HTR1F: variants seen among roughly 807,000 people sequenced by gnomAD.
HTR1F encodes the protein 5-hydroxytryptamine (serotonin) receptor 1F, G protein-coupled.
Under a neutral mutation model 24.0 loss-of-function variants are expected in HTR1F, and 17 were observed. That is an observed-to-expected ratio of 0.71 (90% confidence interval 0.48 to 1.06). HTR1F has a LOEUF of 1.06. Among genes scored for constraint, HTR1F ranks in the 50% least tolerant of loss-of-function variants. The pLI is 0.00. For missense variants in HTR1F, 391 were observed against 427.8 expected, an observed-to-expected ratio of 0.91 and a Z score of 0.76; for synonymous variants, 186 against 156.8, an observed-to-expected ratio of 1.19 and a Z score of -1.39.
intron 2 of HTR1F, among the ~76,000 whole-genome samples, chr3:87,935,679 T>G (rs1015194748): frequency 6.6e-6 from 1 of 152,188 alleles, no homozygotes; most frequent in African/African-American, 2.4e-5. Flanking sequence ...TTTCACTGTT[T>G]CATTAAGTTT....
At chr3:87,837,157 AATT>A (rs1046383111) in intron 2 of HTR1F, among the ~76,000 whole-genome samples, 3 of 152,070 alleles carry the variant, frequency 2.0e-5, no homozygotes, top group Non-Finnish European at 2.9e-5. Flanking sequence ...TTTTAGTTGC[AATT>A]ATTATCAAAC....
intron 1 of HTR1F, among the ~76,000 whole-genome samples, chr3:87,802,568 A>G (rs1398392134): frequency 6.6e-6 from 1 of 151,780 alleles, no homozygotes; most frequent in Non-Finnish European, 1.5e-5. Context: ...CTAGTCTTAA[A>G]TTCCTGGCTT....
intron 2 of HTR1F, among the ~76,000 whole-genome samples, chr3:87,945,223 G>T (rs1290988685): frequency 6.6e-6 from 1 of 151,936 alleles, no homozygotes; most frequent in African/African-American, 2.4e-5. Flanking sequence ...AACTGCCCAT[G>T]TCGAGAGCTG....
chr3:87,961,960 C>G (rs1440419487), intron 2 of HTR1F, among the ~76,000 whole-genome samples: 1 of 151,968 alleles, frequency 6.6e-6, no homozygotes, highest in Non-Finnish European at 1.5e-5. Context: ...CATAGACATA[C>G]TAAAAAATGA....
At chr3:87,884,166 C>T (rs1705879506) in intron 2 of HTR1F, among the ~76,000 whole-genome samples, 1 of 152,142 alleles carries the variant, frequency 6.6e-6, no homozygotes, top group South Asian at 2.1e-4. Context: ...CTCTACAAGC[C>T]ACAAGGGAGT....
intron 2 of HTR1F, among the ~76,000 whole-genome samples, chr3:87,942,611 T>C (rs1704597331): frequency 6.6e-6 from 1 of 152,130 alleles, no homozygotes; most frequent in African/African-American, 2.4e-5. Context: ...ACTTGGATAA[T>C]CTTTTTTAAA....
chr3:87,948,868 A>G (rs1054590199), intron 2 of HTR1F, among the ~76,000 whole-genome samples: 3 of 152,210 alleles, frequency 2.0e-5, no homozygotes, highest in Admixed American at 1.3e-4. Flanking sequence ...TGTAGTACCA[A>G]TAGCCATATT....
chr3:87,909,805 T>A (rs1314936084), intron 2 of HTR1F, among the ~76,000 whole-genome samples: 3 of 152,040 alleles, frequency 2.0e-5, no homozygotes, highest in Non-Finnish European at 4.4e-5. Context: ...TCTCAGTTGG[T>A]CTAAGAACTG....
At chr3:87,808,182 A>G (rs1704103467) in intron 1 of HTR1F, among the ~76,000 whole-genome samples, 1 of 151,968 alleles carries the variant, frequency 6.6e-6, no homozygotes, top group South Asian at 2.1e-4. Flanking sequence ...GAATAGTTTG[A>G]GGAGAATTGG....
intron 2 of HTR1F, among the ~76,000 whole-genome samples, chr3:87,946,274 A>G (rs953118723): frequency 3.5e-4 from 54 of 152,344 alleles, no homozygotes; most frequent in African/African-American, 1.3e-3. Context: ...GCAAAAGCTC[A>G]GCTCGAACCA....
chr3:87,984,303 A>G (rs535503947), intron 2 of HTR1F, among the ~76,000 whole-genome samples: 3 of 152,196 alleles, frequency 2.0e-5, no homozygotes, highest in Non-Finnish European at 4.4e-5. Flanking sequence ...TGCATTGTAT[A>G]ATTGTATTAT....
intron 2 of HTR1F, among the ~76,000 whole-genome samples, chr3:87,959,478 T>TA (rs1705014951): frequency 6.6e-6 from 1 of 151,914 alleles, no homozygotes; most frequent in South Asian, 2.1e-4. Context: ...AGAAATCTAA[T>TA]AGAGCCTCTT....
At chr3:87,925,962 T>C (rs1182330269) in intron 2 of HTR1F, among the ~76,000 whole-genome samples, 2 of 152,342 alleles carry the variant, frequency 1.3e-5, no homozygotes, top group East Asian at 1.9e-4. Context: ...TTGTTGTTTT[T>C]GTCATTTCTT....
At chr3:87,972,000 T>A (rs1705295314) in intron 2 of HTR1F, among the ~76,000 whole-genome samples, 1 of 152,170 alleles carries the variant, frequency 6.6e-6, no homozygotes, top group African/African-American at 2.4e-5. Flanking sequence ...GGCTTACCAA[T>A]CTATGTCAGC....
intron 2 of HTR1F, among the ~76,000 whole-genome samples, chr3:87,894,683 T>A (rs1706162073): frequency 6.6e-6 from 1 of 151,294 alleles, no homozygotes; most frequent in South Asian, 2.1e-4. Context: ...TATGTAGATG[T>A]GAATTTCATC....
chr3:87,981,412 C>G (rs1705540880), intron 2 of HTR1F, among the ~76,000 whole-genome samples: 1 of 152,182 alleles, frequency 6.6e-6, no homozygotes. Flanking sequence ...CCACGCTAGT[C>G]TCGAACTCTT....
chr3:87,937,650 G>A (rs375414792), intron 2 of HTR1F, among the ~76,000 whole-genome samples: 39 of 152,104 alleles, frequency 2.6e-4, no homozygotes, highest in Admixed American at 1.1e-3. Context: ...AGGGCCAGGC[G>A]CAGTGGCTCA....
chr3:87,951,982 G>T (rs1704844407), intron 2 of HTR1F, among the ~76,000 whole-genome samples: 1 of 152,016 alleles, frequency 6.6e-6, no homozygotes, highest in Non-Finnish European at 1.5e-5. Flanking sequence ...TTTCTTCCTT[G>T]TCTTTTCATG....
rs777903863 is a variant in HTR1F at position 87,991,349 on chromosome 3, T to C, written c.600T>C (p.Leu200=). 97 of 1,613,916 alleles carry C rather than the reference T, an allele frequency of 6.0e-5. No individual in the cohort carries two copies. The East Asian group carries it at 2.2e-3, about 36-fold the overall frequency. The change falls in exon 3 of 3, where the codon CTT becomes CTC. Residue 200 remains leucine (L), a synonymous_variant. Transcript: ENST00000319595. ...FYIPLALILI[L]YYKIYRAAKT... is the part of the protein sequence containing the mutation. ...TCCCACTGGCATTGATTTTGATCCT[T>C]TACTACAAAATATATAGAGCAGCAA...
Sources: gnomAD v4.1 joint callset for allele counts (sites outside exome capture counted in the v4.1 genomes callset) on GRCh38, gnomAD v4.1.1 for gene constraint, MANE v1.5 for transcripts, NCBI Gene and HGNC (gene_info 2026-07-23, HGNC 2026-07-21) for gene names.